Variants in STAU1 observed in about 807,000 individuals in gnomAD.
STAU1 encodes staufen double-stranded RNA binding protein 1, also known as double-stranded RNA-binding protein Staufen homolog 1.
STAU1 carries 13 observed loss-of-function variants against 62.9 expected under a neutral mutation model. That is an observed-to-expected ratio of 0.21 (90% confidence interval 0.13 to 0.33). The LOEUF is 0.33. STAU1 is among the 10% of genes least tolerant of loss of function. The probability of loss-of-function intolerance (pLI) is 1.00; values close to 1 mark genes in which losing one functional copy is unlikely to be tolerated. For synonymous variants in STAU1, 269 were observed against 265.1 expected (o/e 1.01, Z -0.14); for missense variants, 571 against 712.1 (o/e 0.80, Z 2.25).
chr20:49,125,875 C>T (rs2145908981), intron 6 of STAU1, among the ~76,000 whole-genome samples: 1 of 152,000 alleles, frequency 6.6e-6, no homozygotes, highest in South Asian at 2.1e-4. Context: ...TTACCTACAA[C>T]AGGTGTGAGG....
At chr20:49,205,548 T>C in the STAU1 span, among the ~76,000 whole-genome samples, 1 of 151,886 alleles carries the variant, frequency 6.6e-6, no homozygotes, top group Non-Finnish European at 1.5e-5. Context: ...GCATTTTTAG[T>C]AGAGACGGGG....
At chr20:49,218,183 A>G in the STAU1 span, among the ~76,000 whole-genome samples, 2 of 145,184 alleles carry the variant, frequency 1.4e-5, no homozygotes, top group Non-Finnish European at 3.0e-5. Flanking sequence ...CTAGCAATAT[A>G]TATTTTTTTA....
chr20:49,206,751 A>ATATATATTTTTTTTTTT, the STAU1 span, among the ~76,000 whole-genome samples: 3 of 95,034 alleles, frequency 3.2e-5, no homozygotes, highest in Admixed American at 1.1e-4. Context: ...ATATATATAT[A>ATATATATTTTTTTTTTT]TTTTATTTTA....
the STAU1 span, among the ~76,000 whole-genome samples, chr20:49,195,076 C>T: frequency 6.6e-6 from 1 of 152,098 alleles, no homozygotes; most frequent in East Asian, 1.9e-4. Context: ...AGGAAAAGAT[C>T]AATTCATTGA....
At chr20:49,155,681 G>A (rs2093346245) in intron 3 of STAU1, among the ~76,000 whole-genome samples, 4 of 152,116 alleles carry the variant, frequency 2.6e-5, no homozygotes. Flanking sequence ...TTTGCACAGA[G>A]GGCCACATGA....
At chr20:49,177,022 C>T (rs1471978643) in intron 1 of STAU1, among the ~76,000 whole-genome samples, 1 of 151,852 alleles carries the variant, frequency 6.6e-6, no homozygotes, top group African/African-American at 2.4e-5. Flanking sequence ...AGCGATTCTC[C>T]TGCCTCAGCC....
At chr20:49,139,720 C>CT (rs2092966022) in intron 5 of STAU1, among the ~76,000 whole-genome samples, 1 of 150,136 alleles carries the variant, frequency 6.7e-6, no homozygotes, top group Admixed American at 6.6e-5. Flanking sequence ...GAGCGAAACT[C>CT]TGTTTCAAAA....
intron 8 of STAU1, among the ~76,000 whole-genome samples, chr20:49,120,592 GTCTAAC>G (rs1250192463): frequency 6.6e-6 from 1 of 152,128 alleles, no homozygotes; most frequent in African/African-American, 2.4e-5. Context: ...GCTGTTTATT[GTCTAAC>G]TCTAAACCTA....
the STAU1 span, among the ~76,000 whole-genome samples, chr20:49,195,535 CAAAA>C: frequency 7.9e-5 from 3 of 38,148 alleles, no homozygotes; most frequent in Admixed American, 4.6e-4. Flanking sequence ...GACTCCGTCT[CAAAA>C]AAAAAAAAAA....
At chr20:49,149,713 T>G (rs551259340) in intron 5 of STAU1, among the ~76,000 whole-genome samples, 1 of 152,302 alleles carries the variant, frequency 6.6e-6, no homozygotes, top group East Asian at 1.9e-4. Context: ...TTTGATTTGG[T>G]CCTTAGTGAG....
chr20:49,151,863 T>C, intron 4 of STAU1, 116 bp from the exon 5 acceptor site: 1 of 851,186 alleles, frequency 1.2e-6, no homozygotes, highest in Non-Finnish European at 1.7e-6. Flanking sequence ...TAGTGTTTGA[T>C]GCTAATCACT....
chr20:49,201,548 C>A, the STAU1 span, among the ~76,000 whole-genome samples: 2 of 151,508 alleles, frequency 1.3e-5, no homozygotes. Context: ...TCAAGAGCAC[C>A]CTGGCCAATA....
intron 6 of STAU1, among the ~76,000 whole-genome samples, chr20:49,131,449 C>T (rs2092747426): frequency 6.6e-6 from 1 of 152,194 alleles, no homozygotes; most frequent in Non-Finnish European, 1.5e-5. Flanking sequence ...TTAAGAGATA[C>T]ATGCTGAAAT....
intron 2 of STAU1, among the ~76,000 whole-genome samples, chr20:49,173,784 C>A (rs1260879793): frequency 6.6e-6 from 1 of 152,142 alleles, no homozygotes; most frequent in African/African-American, 2.4e-5. Flanking sequence ...AAGCTTGATT[C>A]GTAACCCTAT....
intron 8 of STAU1, among the ~76,000 whole-genome samples, 162 bp downstream of exon 8, chr20:49,122,930 T>C (rs900667580): frequency 1.9e-4 from 28 of 146,286 alleles, no homozygotes; most frequent in Non-Finnish European, 4.0e-4. Flanking sequence ...AATAAATAAA[T>C]AAATAAATAA....
chr20:49,212,777 T>C, the STAU1 span, among the ~76,000 whole-genome samples: 1 of 151,674 alleles, frequency 6.6e-6, no homozygotes, highest in African/African-American at 2.4e-5. Flanking sequence ...TTTGTATTTT[T>C]AGTAGAGATG....
chr20:49,154,902 C>T (rs1189871397), intron 3 of STAU1, among the ~76,000 whole-genome samples: 4 of 147,214 alleles, frequency 2.7e-5, no homozygotes, highest in East Asian at 2.0e-4. Context: ...CTGGCTAACA[C>T]GGTGAAACCC....
intron 5 of STAU1, among the ~76,000 whole-genome samples, chr20:49,147,708 T>G (rs1286463756): frequency 1.3e-5 from 2 of 152,174 alleles, no homozygotes; most frequent in Non-Finnish European, 2.9e-5. Flanking sequence ...AATAATCAAG[T>G]CCCTGTTGGA....
chr20:49,162,599 C>T (rs140951550), intron 3 of STAU1, among the ~76,000 whole-genome samples: 2,070 of 151,520 alleles, frequency 0.014, 23 homozygotes, highest in Non-Finnish European at 0.024. Context: ...AAGGTGAAAC[C>T]CCATCTCTAC....
Sources: allele counts gnomAD v4.1 joint callset (sites outside exome capture counted in the v4.1 genomes callset), GRCh38; gene constraint gnomAD v4.1.1; transcripts MANE v1.5; gene names NCBI Gene and HGNC (gene_info 2026-07-23, HGNC 2026-07-21).